ODAD2: variants seen among roughly 807,000 people sequenced by gnomAD.
ODAD2 encodes outer dynein arm-docking complex subunit 2.
In ODAD2, 89 loss-of-function variants were observed where a neutral mutation model predicts 106.8. The observed-to-expected ratio is 0.83, with a 90% confidence interval of 0.70 to 0.99. ODAD2 has a LOEUF of 0.99. Ranked by LOEUF, ODAD2 falls within the 50% of genes least tolerant of loss-of-function variation. ODAD2 has a pLI of 0.00. For missense variants in ODAD2, 1,168 were observed against 1,238.5 expected (o/e 0.94, Z 0.85); for synonymous variants, 404 against 436.2 (o/e 0.93, Z 0.92).
intron 7 of ODAD2, among the ~76,000 whole-genome samples, chr10:27,979,558 G>A (rs999661777): frequency 6.6e-6 from 1 of 151,606 alleles, no homozygotes; most frequent in African/African-American, 2.4e-5. Context: ...CTCAAAAGCT[G>A]TATTTCTATA....
chr10:27,937,479 C>T (rs998294078), intron 14 of ODAD2, among the ~76,000 whole-genome samples: 20 of 151,804 alleles, frequency 1.3e-4, no homozygotes, highest in Admixed American at 5.9e-4. Flanking sequence ...AGTTTCTATG[C>T]CCAGAGCAGT....
At chr10:27,965,607 A>T (rs4749287) in intron 9 of ODAD2, among the ~76,000 whole-genome samples, 84,477 of 151,894 alleles carry the variant, frequency 0.56, 23,779 homozygotes, top group Middle Eastern at 0.66. Context: ...CCAGGAATCC[A>T]GCCTGCCACC....
rs1554810808 is a variant in ODAD2 at position 27,924,005 on chromosome 10, A to AGG, written c.2495+11004_2495+11005insCC. 7.9e-3 allele frequency among the ~76,000 whole-genome samples: 911 copies of AGG among 114,862 alleles called. 18 individuals are homozygous for AGG. Among genetic ancestry groups the AGG allele is most frequent in the Non-Finnish European group, 0.012 (687 of 57,560 alleles). 75.4% of individuals were successfully genotyped at this position (114,862 alleles called of 152,430 possible). A position where few individuals can be genotyped will look rare whatever the true frequency, so the allele number is the denominator to read the frequency against. ...AAGAAAGAAAGAAAGAAAGAAAGAA[A>AGG]GAAAGAAAGAAAGAAAGAAGGAAAG... On this transcript the variant is annotated intron_variant, in intron 16 of 19. Transcript: ENST00000305242.
rs183938729 is a variant in ODAD2 at position 27,850,175 on chromosome 10, C to T, written c.3021+10450G>A. Among the ~76,000 whole-genome samples the T allele has an allele frequency of 8.7e-4, 132 of 152,138 alleles. 1 individual carries two copies. The highest frequency in any genetic ancestry group is 4.1e-4 in the South Asian group (2 of 4,826). On this transcript the variant is annotated intron_variant, in intron 19 of 19. Transcript: ENST00000305242. Reference sequence around the variant, plus strand: ...AAGTGAAAACATTTGCTGGGCGTGGCGGCTCACACCTGTAATCTCAACACT... The same window carrying T: ...AAGTGAAAACATTTGCTGGGCGTGGTGGCTCACACCTGTAATCTCAACACT...
At chr10:27,819,173 T>C (rs1038113052) in intron 19 of ODAD2, among the ~76,000 whole-genome samples, 10 of 151,926 alleles carry the variant, frequency 6.6e-5, no homozygotes, top group Non-Finnish European at 1.5e-4. Context: ...AAGTCTGCAG[T>C]GTGTGGGAGG....
chr10:27,920,873 C>A (rs1022169422), intron 16 of ODAD2, among the ~76,000 whole-genome samples: 3 of 148,986 alleles, frequency 2.0e-5, no homozygotes, highest in Non-Finnish European at 4.5e-5. Context: ...AAAAAAAAAA[C>A]TATGTAAATG....
chr10:27,985,350 G>T, intron 3 of ODAD2, 139 bp from the exon 4 acceptor site: 1 of 674,496 alleles, frequency 1.5e-6, no homozygotes, highest in Non-Finnish European at 2.4e-6. Flanking sequence ...GACCCAATTA[G>T]AATTCATCTC....
In ODAD2 at chr10:27,973,212, AATACATAC is replaced by A. The variant is rs56390356; in HGVS notation, c.937-1907_937-1900del. On this transcript the variant is annotated intron_variant, in intron 7 of 19. Transcript: ENST00000305242. ...CAGCATGAACTCTCATGGTCAAAAT[AATACATAC>A]ATACATACATACATACATACATACA... Among the ~76,000 whole-genome samples, 477 of 148,348 alleles carry A rather than the reference AATACATAC, an allele frequency of 3.2e-3. 1 individual carries two copies. Among genetic ancestry groups the A allele is most frequent in the African/African-American group, 0.011 (442 of 40,080 alleles).
At chr10:27,843,918 A>T (rs983123219) in intron 19 of ODAD2, among the ~76,000 whole-genome samples, 2 of 152,122 alleles carry the variant, frequency 1.3e-5, no homozygotes, top group African/African-American at 4.8e-5. Flanking sequence ...ACAATGTTTA[A>T]TTCTGCCCAA....
At chr10:27,948,098 G>A (rs1040506493) in intron 10 of ODAD2, among the ~76,000 whole-genome samples, 1 of 152,062 alleles carries the variant, frequency 6.6e-6, no homozygotes, top group Non-Finnish European at 1.5e-5. Flanking sequence ...AGAGTTTATA[G>A]CTTTTTGAAG....
chr10:27,920,462 T>C (rs1186890450), intron 16 of ODAD2, among the ~76,000 whole-genome samples: 2 of 152,112 alleles, frequency 1.3e-5, no homozygotes, highest in African/African-American at 4.8e-5. Flanking sequence ...ATACAGAATG[T>C]GGAAAAATAA....
intron 19 of ODAD2, among the ~76,000 whole-genome samples, chr10:27,834,409 C>CA (rs1297504391): frequency 6.6e-6 from 1 of 152,142 alleles, no homozygotes; most frequent in Non-Finnish European, 1.5e-5. Flanking sequence ...GCAAGAAACA[C>CA]AAACAGCATG....
chr10:27,887,825 C>T (rs7896104), intron 17 of ODAD2, among the ~76,000 whole-genome samples: 78,088 of 151,622 alleles, frequency 0.52, 22,391 homozygotes, highest in Middle Eastern at 0.68. Context: ...AAAATTCAGA[C>T]TTTAAATTAG....
intron 12 of ODAD2, among the ~76,000 whole-genome samples, chr10:27,943,528 T>C (rs1054217841): frequency 1.6e-4 from 25 of 152,110 alleles, no homozygotes; most frequent in Non-Finnish European, 2.5e-4. Flanking sequence ...GGCTCACACC[T>C]GTAATCCCAG....
Position 27,827,379 on chromosome 10 carries a change from C to CACACTATATATATA in ODAD2, c.3022-14755_3022-14754insTATATATATAGTGT, listed in dbSNP as rs1239159370. On this transcript the variant is annotated intron_variant, in intron 19 of 19. Coordinates refer to ENST00000305242, the MANE Select transcript of ODAD2 (RefSeq NM_018076.5). ...AGACACACACATACACACACACACACTATATATATATATATATATATATAT... is the reference window on the plus strand; with the variant it reads ...AGACACACACATACACACACACACACACACTATATATATATATATATATATATATATATATATAT... 1.1e-3 allele frequency among the ~76,000 whole-genome samples: 152 copies of CACACTATATATATA among 132,394 alleles called. 1 individual carries two copies. Among genetic ancestry groups the CACACTATATATATA allele is most frequent in the Admixed American group, 0.01 (133 of 12,788 alleles). The allele number at this position is 132,394 out of a possible 152,430, so 86.9% of individuals were successfully genotyped here.
intron 2 of ODAD2, among the ~76,000 whole-genome samples, chr10:27,988,127 T>C (rs1260956826): frequency 6.6e-6 from 1 of 151,826 alleles, no homozygotes; most frequent in East Asian, 1.9e-4. Context: ...GGATTCTTCC[T>C]GATCAAAAGT....
intron 19 of ODAD2, among the ~76,000 whole-genome samples, chr10:27,832,812 C>T (rs1002702962): frequency 5.2e-4 from 79 of 152,230 alleles, no homozygotes; most frequent in African/African-American, 1.7e-3. Context: ...CTAAAGCTCT[C>T]GTGGGTTAGA....
intron 17 of ODAD2, among the ~76,000 whole-genome samples, chr10:27,885,742 TTATA>T: frequency 2.3e-5 from 1 of 44,324 alleles, no homozygotes; most frequent in African/African-American, 7.9e-5. Flanking sequence ...ATATATTATG[TTATA>T]TATAATATAT....
chr10:27,836,420 G>C (rs1447478071), intron 19 of ODAD2, among the ~76,000 whole-genome samples: 1 of 152,144 alleles, frequency 6.6e-6, no homozygotes, highest in Non-Finnish European at 1.5e-5. Flanking sequence ...AAATAAAAAA[G>C]ATTTATCAGT....
Sources: gnomAD v4.1 joint callset for allele counts (sites outside exome capture counted in the v4.1 genomes callset) on GRCh38, gnomAD v4.1.1 for gene constraint, MANE v1.5 for transcripts, NCBI Gene and HGNC (gene_info 2026-07-23, HGNC 2026-07-21) for gene names.